The following TFCP2L1 variants were observed in gnomAD, a reference collection of about 807,000 sequenced individuals.
The protein encoded by TFCP2L1 is transcription factor CP2 like 1.
In TFCP2L1, 12 loss-of-function variants were observed where a neutral mutation model predicts 72.2. The observed-to-expected ratio is 0.17, with a 90% CI of 0.11 to 0.27. The LOEUF (loss-of-function observed/expected upper bound fraction) is 0.27. Ranked by LOEUF, TFCP2L1 falls within the 10% of genes least tolerant of loss-of-function variation. TFCP2L1 has a pLI of 1.00. For missense variants in TFCP2L1, 488 were observed against 624.6 expected (o/e 0.78, Z 2.33); for synonymous variants, 260 against 251.0 (o/e 1.04, Z -0.34).
chr2:121,280,511 A>C (rs796858881), intron 2 of TFCP2L1, among the ~76,000 whole-genome samples: 29 of 152,266 alleles, frequency 1.9e-4, no homozygotes, highest in African/African-American at 6.7e-4. Context: ...TAATCCCAGC[A>C]CTTTGGGAGG....
At chr2:121,270,216 C>A (rs1038770294) in intron 2 of TFCP2L1, among the ~76,000 whole-genome samples, 2 of 152,106 alleles carry the variant, frequency 1.3e-5, no homozygotes, top group Non-Finnish European at 2.9e-5. Flanking sequence ...GAAAAACAGA[C>A]CTTCTTCAGT....
intron 2 of TFCP2L1, among the ~76,000 whole-genome samples, chr2:121,278,777 G>A (rs1419338456): frequency 6.6e-6 from 1 of 151,682 alleles, no homozygotes; most frequent in African/African-American, 2.4e-5. Flanking sequence ...CCCAAGGTAG[G>A]TGGATCACTT....
chr2:121,276,869 A>G (rs1326296100), intron 2 of TFCP2L1, among the ~76,000 whole-genome samples: 2 of 152,072 alleles, frequency 1.3e-5, no homozygotes, highest in African/African-American at 4.8e-5. Context: ...TTTTCTTTTA[A>G]GCATAAAAGA....
chr2:121,279,639 A>G (rs925734089), intron 2 of TFCP2L1, among the ~76,000 whole-genome samples: 1 of 152,254 alleles, frequency 6.6e-6, no homozygotes, highest in Admixed American at 6.5e-5. Context: ...GTAAGCAGAG[A>G]GCCTGATGAC....
intron 2 of TFCP2L1, among the ~76,000 whole-genome samples, chr2:121,259,515 G>GAT (rs1338436968): frequency 2.0e-5 from 3 of 152,132 alleles, no homozygotes; most frequent in African/African-American, 7.2e-5. Flanking sequence ...TCTGATGGAG[G>GAT]ATATACATAC....
chr2:121,233,182 G>T (rs1410565561), intron 12 of TFCP2L1, among the ~76,000 whole-genome samples: 1 of 152,018 alleles, frequency 6.6e-6, no homozygotes, highest in Non-Finnish European at 1.5e-5. Context: ...AGCCAGGTGT[G>T]GGGGTGTGCA....
rs1201206954 is a variant in TFCP2L1 at position 121,221,206 on chromosome 2, T to G, written c.*3135A>C. ...ACTTCTAGGTGATTCAGTTTCCTCA[T>G]GACTCATAACAGGAAATCATTGGTC... On this transcript the variant is annotated 3_prime_UTR_variant, in exon 15 of 15. Coordinates refer to ENST00000263707, the MANE Select transcript of TFCP2L1 (RefSeq NM_014553.3). 1 of 152,200 alleles carries G rather than the reference T, an allele frequency of 6.6e-6. No homozygotes were observed. 9.4% of individuals were successfully genotyped at this position (152,200 alleles called of 1,614,324 possible).
Position 121,231,951 on chromosome 2 carries a change from G to A in TFCP2L1, c.1216C>T (p.Leu406=), listed in dbSNP as rs1265750629. ...AGCTCCAAGGTGGTCAGCTCTTCCA[G>A]GAAGATGGCGTGGTACACTGGGGGA... ...SNLSVYHAIF[L]EELTTLELIE... The change falls in exon 13 of 15, where the codon CTG becomes TTG. Residue 406 remains leucine, a synonymous_variant. Transcript: ENST00000263707. 6.2e-7 allele frequency: 1 copy of A among 1,605,306 alleles called. No homozygotes were observed. The highest frequency in any genetic ancestry group is 8.5e-7 in the Non-Finnish European group (1 of 1,174,238).
intron 2 of TFCP2L1, among the ~76,000 whole-genome samples, chr2:121,280,522 C>T (rs370981105): frequency 2.0e-5 from 3 of 152,210 alleles, no homozygotes; most frequent in East Asian, 3.9e-4. Flanking sequence ...CTTTGGGAGG[C>T]GCAGGCAGGT....
At position 121,284,327 on chromosome 2, in the gene TFCP2L1, G is replaced by C. The variant is rs909945243; in HGVS notation, c.62+721C>G. ...TGCCCATTAGTCCCGGCCAGCAGCA[G>C]AACAGGGAAAAACAATCCTCCGGGA... On this transcript the variant is annotated intron_variant, in intron 1 of 14. Transcript: ENST00000263707. 3.9e-5 allele frequency among the ~76,000 whole-genome samples: 6 copies of C among 152,196 alleles called. No homozygotes were observed. In the East Asian group the frequency reaches 5.8e-4, roughly 15 times the overall value.
intron 2 of TFCP2L1, among the ~76,000 whole-genome samples, chr2:121,273,367 G>A (rs1046894383): frequency 5.3e-5 from 8 of 152,092 alleles, no homozygotes; most frequent in East Asian, 1.9e-4. Flanking sequence ...TCCAGCCTTC[G>A]GGAAGATATG....
intron 2 of TFCP2L1, among the ~76,000 whole-genome samples, chr2:121,254,035 C>A (rs1182318851): frequency 7.2e-5 from 11 of 152,164 alleles, no homozygotes; most frequent in Admixed American, 7.2e-4. Context: ...TGACCTAGGG[C>A]ACAAGGGCAT....
At chr2:121,232,918 A>C (rs2104669718) in intron 12 of TFCP2L1, among the ~76,000 whole-genome samples, 1 of 152,318 alleles carries the variant, frequency 6.6e-6, no homozygotes, top group South Asian at 2.1e-4. Context: ...AGGGACCTCA[A>C]GTTCCTCAAA....
At chr2:121,274,941 C>CAAA (rs762343920) in intron 2 of TFCP2L1, among the ~76,000 whole-genome samples, 1 of 126,070 alleles carries the variant, frequency 7.9e-6, no homozygotes, top group Admixed American at 8.2e-5. Flanking sequence ...GACCCTGTCT[C>CAAA]AAAAAAAAAA....
At chr2:121,269,624 T>A (rs565372013) in intron 2 of TFCP2L1, among the ~76,000 whole-genome samples, 1 of 151,734 alleles carries the variant, frequency 6.6e-6, no homozygotes, top group Non-Finnish European at 1.5e-5. Context: ...AAAAATTATG[T>A]AAAAGAGGCC....
At chr2:121,261,769 A>ATCC (rs1686833311) in intron 2 of TFCP2L1, among the ~76,000 whole-genome samples, 1 of 152,192 alleles carries the variant, frequency 6.6e-6, no homozygotes. Flanking sequence ...TCCAAGTCAT[A>ATCC]TCCTCCACCC....
chr2:121,265,791 G>C (rs113294325), intron 2 of TFCP2L1, among the ~76,000 whole-genome samples: 1 of 151,878 alleles, frequency 6.6e-6, no homozygotes, highest in Admixed American at 6.6e-5. Flanking sequence ...GCCAAGAGTG[G>C]CTCCTTTAAA....
At chr2:121,259,476 G>T (rs1401728816) in intron 2 of TFCP2L1, among the ~76,000 whole-genome samples, 1 of 152,164 alleles carries the variant, frequency 6.6e-6, no homozygotes, top group Non-Finnish European at 1.5e-5. Flanking sequence ...GATAAAGCAA[G>T]TGTGGCAAAA....
At position 121,285,199 on chromosome 2, in the gene TFCP2L1, A is replaced by T; in HGVS notation, c.-90T>A. The stretch of plus-strand genomic sequence containing the variant: ...ACCCAGCGGCGGCTTCGCGCTCCGA[A>T]CCCGCGGTGCCGGCCGGCTCGGCGC... On this transcript the variant is annotated 5_prime_UTR_variant, in exon 1 of 15. Transcript: ENST00000263707. 8.6e-7 allele frequency: 1 copy of T among 1,161,350 alleles called. No individual in the cohort carries two copies. The highest frequency in any genetic ancestry group is 1.1e-6 in the Non-Finnish European group (1 of 905,046). The allele number at this position is 1,161,350 out of a possible 1,614,324, so 71.9% of individuals were successfully genotyped here. A position where few individuals can be genotyped will look rare whatever the true frequency, so the allele number is the denominator to read the frequency against.
Sources: allele counts gnomAD v4.1 joint callset (sites outside exome capture counted in the v4.1 genomes callset), GRCh38; gene constraint gnomAD v4.1.1; transcripts MANE v1.5; gene names NCBI Gene and HGNC (gene_info 2026-07-23, HGNC 2026-07-21).